The following RBFOX3 variants were observed in gnomAD, a reference collection of about 807,000 sequenced individuals.
RBFOX3 encodes the protein RNA binding protein fox-1 homolog 3.
In RBFOX3, 17 loss-of-function variants were observed where a neutral mutation model predicts 48.7. That is an observed-to-expected ratio of 0.35 (90% CI 0.24 to 0.52). The LOEUF (loss-of-function observed/expected upper bound fraction) is 0.52, where lower values mean the gene tolerates loss of function less well. RBFOX3 is among the 20% of genes least tolerant of loss of function. The probability of loss-of-function intolerance (pLI) is 0.94; values close to 1 mark genes in which losing one functional copy is unlikely to be tolerated. For synonymous variants in RBFOX3, 212 were observed against 209.5 expected (o/e 1.01, Z -0.10); for missense variants, 382 against 497.5 (o/e 0.77, Z 2.21).
chr17:79,215,202 G>T (rs1379847249), intron 4 of RBFOX3, among the ~76,000 whole-genome samples: 1 of 152,166 alleles, frequency 6.6e-6, no homozygotes, highest in Non-Finnish European at 1.5e-5. Flanking sequence ...CCCGGCTGAA[G>T]CTCCCAGGCC....
intron 3 of RBFOX3, among the ~76,000 whole-genome samples, chr17:79,273,366 A>G (rs887077279): frequency 6.6e-6 from 1 of 152,176 alleles, no homozygotes; most frequent in Admixed American, 6.5e-5. Context: ...CTGGTGTCAC[A>G]GGAATTTTCC....
At chr17:79,589,802 C>G (rs1460523223) in intron 1 of RBFOX3, among the ~76,000 whole-genome samples, 1 of 152,190 alleles carries the variant, frequency 6.6e-6, no homozygotes, top group Non-Finnish European at 1.5e-5. Context: ...GTCTGTCCTT[C>G]CAGGTCTCGG....
Position 79,204,457 on chromosome 17 carries a change from G to T in RBFOX3, c.-34+31309C>A, listed in dbSNP as rs1369682135. On this transcript the variant is annotated intron_variant, in intron 4 of 14. Coordinates refer to ENST00000693108, the MANE Select transcript of RBFOX3 (RefSeq NM_001350451.2). The surrounding 1 kb of genome is among the most constrained non-coding windows in gnomAD (Gnocchi z 4.5). ...TATCCTGGAAAGGACACGCGTACCA[G>T]TCCAGTGAACAGCTCCTTGAAGCGC... Among the ~76,000 whole-genome samples the T allele has an allele frequency of 6.6e-6, 1 of 152,204 alleles. No homozygotes were observed. Among genetic ancestry groups the T allele is most frequent in the Non-Finnish European group, 1.5e-5 (1 of 68,034 alleles).
At chr17:79,662,615 A>G in the RBFOX3 span, among the ~76,000 whole-genome samples, 2 of 152,102 alleles carry the variant, frequency 1.3e-5, no homozygotes, top group Non-Finnish European at 2.9e-5. Context: ...CTGTCCTTGT[A>G]TTAGAATCTT....
intron 9 of RBFOX3, chr17:79,098,399 CTG>C (rs764688835): frequency 5.2e-5 from 8 of 152,900 alleles, no homozygotes; most frequent in African/African-American, 1.4e-4. Flanking sequence ...TTCCTCAACA[CTG>C]TGTGTGAGCC....
chr17:79,288,945 G>A (rs1056169940), intron 3 of RBFOX3, among the ~76,000 whole-genome samples: 2 of 152,210 alleles, frequency 1.3e-5, no homozygotes, highest in Admixed American at 6.5e-5. Context: ...GAGTTGTTTA[G>A]CATGGATGGA....
At chr17:79,276,991 C>T (rs564420989) in intron 3 of RBFOX3, among the ~76,000 whole-genome samples, 40 of 152,314 alleles carry the variant, frequency 2.6e-4, no homozygotes, top group African/African-American at 9.1e-4. Flanking sequence ...TCTGCTATGG[C>T]TCCCAGTGAG....
intron 3 of RBFOX3, among the ~76,000 whole-genome samples, chr17:79,305,772 A>G (rs966180124): frequency 2.6e-5 from 4 of 152,226 alleles, no homozygotes; most frequent in African/African-American, 9.6e-5. Context: ...GCATTGAGTG[A>G]AACTTAAAAA....
rs113011663 is a variant in RBFOX3 at position 79,394,782 on chromosome 17, T to A, written c.-174-86958A>T. Among the ~76,000 whole-genome samples, 10 of 152,214 alleles carry A rather than the reference T, an allele frequency of 6.6e-5. 1 individual carries two copies. Among genetic ancestry groups the A allele is most frequent in the African/African-American group, 1.2e-4 (5 of 41,526 alleles). On this transcript the variant is annotated intron_variant, in intron 2 of 14. Transcript: ENST00000693108. ...ATCTCTCTCCTCAACTACCCCAGGCTCATTGGAGCCACAGCTCTGCCCCAC... is the reference window on the plus strand; with the variant it reads ...ATCTCTCTCCTCAACTACCCCAGGCACATTGGAGCCACAGCTCTGCCCCAC...
Position 79,421,992 on chromosome 17 carries a change from G to A in RBFOX3, c.-175+60462C>T, listed in dbSNP as rs1206822856. Among the ~76,000 whole-genome samples, 1 of 152,146 alleles carries A rather than the reference G, an allele frequency of 6.6e-6. No homozygotes were observed. The highest frequency in any genetic ancestry group is 1.5e-5 in the Non-Finnish European group (1 of 68,028). ...GCTGCCCGGACGAGATGAGGAGGGGGACTTGCCGGCTGCTGGCTTCCAGCC... is the reference window on the plus strand; with the variant it reads ...GCTGCCCGGACGAGATGAGGAGGGGAACTTGCCGGCTGCTGGCTTCCAGCC... On this transcript the variant is annotated intron_variant, in intron 2 of 14. Coordinates refer to ENST00000693108, the MANE Select transcript of RBFOX3 (RefSeq NM_001350451.2). This position sits in a 1 kb window ranked among gnomAD's most constrained non-coding sequence, Gnocchi z 4.5.
intron 2 of RBFOX3, among the ~76,000 whole-genome samples, chr17:79,420,318 T>A (rs1282934897): frequency 6.6e-6 from 1 of 152,218 alleles, no homozygotes; most frequent in Non-Finnish European, 1.5e-5. Flanking sequence ...CTGCCATTTT[T>A]AAAAATACTT....
chr17:79,422,000 G>A lies in RBFOX3; in HGVS notation c.-175+60454C>T, dbSNP rs2066484038. The stretch of plus-strand genomic sequence containing the variant: ...GACGAGATGAGGAGGGGGACTTGCC[G>A]GCTGCTGGCTTCCAGCCTCATGGGG... On this transcript the variant is annotated intron_variant, in intron 2 of 14. Coordinates refer to ENST00000693108, the MANE Select transcript of RBFOX3 (RefSeq NM_001350451.2). The surrounding 1 kb of genome is among the most constrained non-coding windows in gnomAD (Gnocchi z 4.5). 6.6e-6 allele frequency among the ~76,000 whole-genome samples: 1 copy of A among 152,256 alleles called. No homozygotes were observed. The highest frequency in any genetic ancestry group is 2.1e-4 in the South Asian group (1 of 4,822).
intron 4 of RBFOX3, among the ~76,000 whole-genome samples, chr17:79,167,740 G>A (rs1448530519): frequency 6.6e-6 from 1 of 152,214 alleles, no homozygotes; most frequent in African/African-American, 2.4e-5. Flanking sequence ...CTGCCCTGGG[G>A]CCTCTTCAAC....
intron 12 of RBFOX3, among the ~76,000 whole-genome samples, chr17:79,096,325 CACTG>C (rs1343112308): frequency 1.3e-5 from 2 of 152,208 alleles, no homozygotes; most frequent in African/African-American, 4.8e-5. Flanking sequence ...GGGGCTCACT[CACTG>C]ACCGCAGCGT....
chr17:79,097,490 C>T (rs2075562805), intron 10 of RBFOX3, 66 bp from the exon 11 acceptor site: 1 of 1,455,944 alleles, frequency 6.9e-7, no homozygotes, highest in Admixed American at 2.3e-5. Flanking sequence ...ACCCCCTCCC[C>T]GTACACCTAG....
chr17:79,369,268 C>T (rs192518775), intron 2 of RBFOX3, among the ~76,000 whole-genome samples: 4 of 152,274 alleles, frequency 2.6e-5, no homozygotes, highest in Admixed American at 6.5e-5. Flanking sequence ...CCAGGCACGG[C>T]GCCACCTCCA....
chr17:79,113,213 G>C (rs1212235780), intron 5 of RBFOX3, among the ~76,000 whole-genome samples: 1 of 152,212 alleles, frequency 6.6e-6, no homozygotes, highest in Non-Finnish European at 1.5e-5. Context: ...AGCTGTGAGT[G>C]CCGGGCAGCC....
chr17:79,641,793 A>G, the RBFOX3 span, among the ~76,000 whole-genome samples: 1 of 152,168 alleles, frequency 6.6e-6, no homozygotes. Context: ...ATGTTTTAAC[A>G]CCATCTCCCT....
chr17:79,406,852 G>A (rs1196452450), intron 2 of RBFOX3, among the ~76,000 whole-genome samples: 1 of 152,176 alleles, frequency 6.6e-6, no homozygotes, highest in Non-Finnish European at 1.5e-5. Context: ...ACAATATTTG[G>A]GGGATGCAAA....
Sources: allele counts gnomAD v4.1 joint callset (sites outside exome capture counted in the v4.1 genomes callset), GRCh38; gene constraint gnomAD v4.1.1; non-coding constraint Gnocchi (gnomAD v3.1); transcripts MANE v1.5; gene names NCBI Gene and HGNC (gene_info 2026-07-23, HGNC 2026-07-21).